Variants in C1orf159 observed in about 807,000 individuals in gnomAD.
C1orf159 encodes the protein uncharacterized protein C1orf159.
Under a neutral mutation model 25.6 loss-of-function variants are expected in C1orf159, and 19 were observed. The ratio of observed to expected loss-of-function variants is 0.74; its 90% confidence interval spans 0.52 to 1.09. The LOEUF is 1.09. C1orf159 is among the 50% of genes least tolerant of loss of function. C1orf159 has a pLI of 0.00. For synonymous variants in C1orf159, 139 were observed against 124.7 expected, an observed-to-expected ratio of 1.12 and a Z score of -0.77; for missense variants, 274 against 290.6, an observed-to-expected ratio of 0.94 and a Z score of 0.42.
chr1:1,085,236 T>C, intron 7 of C1orf159: 1 of 418,680 alleles, frequency 2.4e-6, no homozygotes, highest in Non-Finnish European at 4.9e-6. Flanking sequence ...TATCACAGTC[T>C]GGCCAAGTGC....
intron 1 of C1orf159, among the ~76,000 whole-genome samples, chr1:1,112,820 G>A (rs577014339): frequency 2.0e-5 from 3 of 152,332 alleles, no homozygotes; most frequent in East Asian, 1.9e-4. Context: ...CTCTCACATC[G>A]CCCGTCTGGC....
chr1:1,089,788 C>G lies in C1orf159; in HGVS notation c.148+565G>C, dbSNP rs1183305730. Among the ~76,000 whole-genome samples, 1 of 152,192 alleles carries G rather than the reference C, an allele frequency of 6.6e-6. No homozygotes were observed. The highest frequency in any genetic ancestry group is 1.5e-5 in the Non-Finnish European group (1 of 68,034). On this transcript the variant is annotated intron_variant, in intron 4 of 9. Coordinates refer to ENST00000421241, the MANE Select transcript of C1orf159 (RefSeq NM_017891.5). This position sits in a 1 kb window ranked among gnomAD's most constrained non-coding sequence, Gnocchi z 7.5. ...ACTCTGTCCTCCCCTCCCCTGGCTGCTCCCACTGGCTGCCCTCACCAGCCT... is the reference window on the plus strand; with the variant it reads ...ACTCTGTCCTCCCCTCCCCTGGCTGGTCCCACTGGCTGCCCTCACCAGCCT...
intron 1 of C1orf159, among the ~76,000 whole-genome samples, chr1:1,103,316 C>G (rs923295531): frequency 6.6e-6 from 1 of 152,234 alleles, no homozygotes; most frequent in Non-Finnish European, 1.5e-5. Context: ...TAGGTCATAA[C>G]ACAATTGATA....
At chr1:1,092,768 T>A (rs1645959812) in intron 1 of C1orf159, 1 of 152,370 alleles carries the variant, frequency 6.6e-6, no homozygotes, top group Admixed American at 6.5e-5. Flanking sequence ...GGTCATGGCC[T>A]CACAAACTGA....
At position 1,087,953 on chromosome 1, in the gene C1orf159, G is replaced by T. The variant is rs1054880949; in HGVS notation, c.149-356C>A. 6.6e-6 allele frequency among the ~76,000 whole-genome samples: 1 copy of T among 150,924 alleles called. No homozygotes were observed. Among genetic ancestry groups the T allele is most frequent in the Non-Finnish European group, 1.5e-5 (1 of 67,742 alleles). On this transcript the variant is annotated intron_variant, in intron 4 of 9. Coordinates refer to ENST00000421241, the MANE Select transcript of C1orf159 (RefSeq NM_017891.5). The surrounding 1 kb of genome is among the most constrained non-coding windows in gnomAD (Gnocchi z 8.3). ...GCTGCACTCCACGCCGAGCACCCCG[G>T]CCCTGAGCACCCCGACCCTGAGTAC...
At chr1:1,112,361 G>GGGCA (rs1263932154) in intron 1 of C1orf159, among the ~76,000 whole-genome samples, 1 of 152,196 alleles carries the variant, frequency 6.6e-6, no homozygotes, top group Non-Finnish European at 1.5e-5. Context: ...AGGTGAGCAT[G>GGGCA]GGCACTACTC....
chr1:1,090,998 C>A (rs777949795), intron 3 of C1orf159: 3 of 1,539,844 alleles, frequency 1.9e-6, no homozygotes, highest in African/African-American at 1.4e-5. Flanking sequence ...ATGCAGTGAA[C>A]GGTGAGGGCG....
chr1:1,091,642 G>A, intron 2 of C1orf159, 77 bp from the exon 3 acceptor site: 1 of 1,050,448 alleles, frequency 9.5e-7, no homozygotes, highest in Non-Finnish European at 1.4e-6. Flanking sequence ...AAATGAAAGT[G>A]GGGTCAAGAG....
chr1:1,082,780 G>A lies in C1orf159; in HGVS notation c.*113C>T. 1 of 994,084 alleles carries A rather than the reference G, an allele frequency of 1.0e-6. No homozygotes were observed. Among genetic ancestry groups the A allele is most frequent in the Non-Finnish European group, 1.5e-6 (1 of 647,178 alleles). 61.6% of individuals were successfully genotyped at this position (994,084 alleles called of 1,614,324 possible). A position where few individuals can be genotyped will look rare whatever the true frequency, so the allele number is the denominator to read the frequency against. Reference sequence around the variant, plus strand: ...CGGAGGGACTCAGAGCCGAGGCTGTGCCCAGGACTGTCCCGGGCGCCGGGC... The same window carrying A: ...CGGAGGGACTCAGAGCCGAGGCTGTACCCAGGACTGTCCCGGGCGCCGGGC... On this transcript the variant is annotated 3_prime_UTR_variant, in exon 10 of 10. Coordinates refer to ENST00000421241, the MANE Select transcript of C1orf159 (RefSeq NM_017891.5).
intron 1 of C1orf159, among the ~76,000 whole-genome samples, chr1:1,104,498 ACT>A (rs1646143971): frequency 6.6e-6 from 1 of 152,116 alleles, no homozygotes; most frequent in Non-Finnish European, 1.5e-5. Flanking sequence ...TGGCAGGGTC[ACT>A]CTGTTAGAAG....
At chr1:1,096,148 T>TG (rs1295091842) in intron 1 of C1orf159, among the ~76,000 whole-genome samples, 1 of 152,108 alleles carries the variant, frequency 6.6e-6, no homozygotes, top group Non-Finnish European at 1.5e-5. Context: ...CTTTGTCAGG[T>TG]TTTGGTATTG....
At chr1:1,109,726 A>G (rs1646232046) in intron 1 of C1orf159, among the ~76,000 whole-genome samples, 1 of 152,164 alleles carries the variant, frequency 6.6e-6, no homozygotes, top group Non-Finnish European at 1.5e-5. Flanking sequence ...TCCTGTCTTA[A>G]TGCATGTGTA....
chr1:1,090,749 G>A, intron 3 of C1orf159: 1 of 857,082 alleles, frequency 1.2e-6, no homozygotes, highest in South Asian at 1.4e-5. Flanking sequence ...AGTCTCCGGA[G>A]GCTCTCCATC....
chr1:1,098,698 G>A (rs989451286), intron 1 of C1orf159, among the ~76,000 whole-genome samples: 39 of 152,166 alleles, frequency 2.6e-4, no homozygotes, highest in African/African-American at 8.4e-4. Context: ...GGGTCACTCC[G>A]TCTTTTGGGT....
intron 1 of C1orf159, among the ~76,000 whole-genome samples, chr1:1,097,260 C>G (rs1646020048): frequency 6.6e-6 from 1 of 152,040 alleles, no homozygotes; most frequent in Admixed American, 6.6e-5. Context: ...GCACCCACCA[C>G]CATGCCTGGC....
rs747365529 is a variant in C1orf159 at position 1,087,227 on chromosome 1, G to A, written c.245-23C>T. 226 of 1,595,900 alleles carry A rather than the reference G, an allele frequency of 1.4e-4. No individual in the cohort carries two copies. Among genetic ancestry groups the A allele is most frequent in the Non-Finnish European group, 1.9e-4 (218 of 1,171,662 alleles). On this transcript the variant is annotated intron_variant, in intron 5 of 9. Transcript: ENST00000421241. The surrounding 1 kb of genome is among the most constrained non-coding windows in gnomAD (Gnocchi z 8.3). Reference sequence around the variant, plus strand: ...CAACTGTGGGATAGCAGAACTGTGGGAAGCCTGTGTGCACGGAGCCCACGG... The same window carrying A: ...CAACTGTGGGATAGCAGAACTGTGGAAAGCCTGTGTGCACGGAGCCCACGG...
At chr1:1,098,105 G>A (rs557919071) in intron 1 of C1orf159, among the ~76,000 whole-genome samples, 24 of 150,976 alleles carry the variant, frequency 1.6e-4, no homozygotes, top group Middle Eastern at 6.8e-3. Flanking sequence ...GTCTCGCTCT[G>A]TCACCCAGGC....
chr1:1,088,201 C>G (rs1244547325), intron 4 of C1orf159, among the ~76,000 whole-genome samples: 1 of 58,048 alleles, frequency 1.7e-5, no homozygotes, highest in Non-Finnish European at 3.3e-5. Flanking sequence ...TCCCCCAGGA[C>G]CCCCCCCCCA....
intron 7 of C1orf159, among the ~76,000 whole-genome samples, chr1:1,085,503 A>G (rs930239723): frequency 2.3e-4 from 33 of 142,272 alleles, no homozygotes; most frequent in African/African-American, 8.7e-4. Context: ...AGGAGAGGGG[A>G]GGGGGGACCA....
Sources: allele counts gnomAD v4.1 joint callset (sites outside exome capture counted in the v4.1 genomes callset), GRCh38; gene constraint gnomAD v4.1.1; non-coding constraint Gnocchi (gnomAD v3.1); transcripts MANE v1.5; gene names NCBI Gene and HGNC (gene_info 2026-07-23, HGNC 2026-07-21).